PCSK4: variants seen among roughly 807,000 people sequenced by gnomAD.
PCSK4 encodes proprotein convertase subtilisin/kexin type 4.
A neutral mutation model predicts 80.3 loss-of-function variants in PCSK4; 64 were observed. The observed-to-expected ratio is 0.80, with a 90% CI of 0.65 to 0.98. The LOEUF is 0.98. Ranked by LOEUF, PCSK4 falls within the 50% of genes least tolerant of loss-of-function variation. The pLI is 0.00. For synonymous variants in PCSK4, 561 were observed against 487.6 expected (o/e 1.15, Z -1.98); for missense variants, 1,213 against 1,093.6 (o/e 1.11, Z -1.54).
intron 2 of PCSK4, 57 bp from the exon 3 acceptor site, chr19:1,488,337 G>A (rs1300633266): frequency 5.1e-6 from 7 of 1,378,852 alleles, no homozygotes; most frequent in African/African-American, 4.3e-5. Flanking sequence ...GGCCCCTCGT[G>A]GTTCAGGGAG....
chr19:1,487,094 G>T (rs767544144), intron 7 of PCSK4, 29 bp from the exon 8 acceptor site: 2 of 1,602,150 alleles, frequency 1.2e-6, no homozygotes, highest in South Asian at 1.1e-5. Context: ...CGGGGAGGGG[G>T]CGTCGGCCTG....
upstream of PCSK4, chr19:1,490,771 G>A (rs1008413281): frequency 1.0e-4 from 20 of 193,816 alleles, no homozygotes; most frequent in African/African-American, 4.5e-4. Context: ...CCCCGTTCCC[G>A]CCCCTACCAT....
exon 15 of PCSK4, chr19:1,481,874 G>A (rs771878743): frequency 1.9e-6 from 3 of 1,589,632 alleles, no homozygotes; most frequent in Non-Finnish European, 2.6e-6. Flanking sequence ...GCCTCCGAGG[G>A]TCACGGCCAG....
At chr19:1,488,280 C>A in exon 3 of PCSK4, 1 of 1,612,168 alleles carries the variant, frequency 6.2e-7, no homozygotes, top group Non-Finnish European at 8.5e-7. Context: ...AACCACTGCA[C>A]CTGCAGAGCA....
chr19:1,489,946 T>C (rs1226915257), intron 1 of PCSK4, 49 bp from the exon 2 acceptor site: 1 of 1,560,494 alleles, frequency 6.4e-7, no homozygotes, highest in East Asian at 2.4e-5. Context: ...GCTCCCCTGC[T>C]GAAGCCCCCG....
In PCSK4 at chr19:1,482,489, G is replaced by A. The variant is rs372011589; in HGVS notation, c.1697-14C>T. 2.4e-5 allele frequency: 38 copies of A among 1,596,052 alleles called. No homozygotes were observed. The highest frequency in any genetic ancestry group is 1.8e-5 in the Non-Finnish European group (21 of 1,175,232). On this transcript the variant is annotated splice_polypyrimidine_tract_variant and intron_variant, in intron 13 of 14. Coordinates refer to ENST00000300954, the Ensembl canonical transcript of PCSK4. ...GGTACAACGTCCCTGGACAGGGGTC[G>A]CGGGTGGGCACAGGAGGAAAAGGAG...
chr19:1,490,123 AG>A (rs2084866755), intron 1 of PCSK4, 34 bp downstream of exon 1: 1 of 1,611,062 alleles, frequency 6.2e-7, no homozygotes, highest in South Asian at 1.1e-5. Flanking sequence ...GTCCCCTCCA[AG>A]CCCCCACTTC....
At chr19:1,483,901 G>A (rs2084459069) in exon 10 of PCSK4, 1 of 1,489,560 alleles carries the variant, frequency 6.7e-7, no homozygotes, top group Non-Finnish European at 8.9e-7. Context: ...TTGGACGCGC[G>A]GACCACCAGG....
At chr19:1,481,715 C>T (rs773093162) in exon 15 of PCSK4, 1 of 1,357,904 alleles carries the variant, frequency 7.4e-7, no homozygotes, top group Admixed American at 2.6e-5. Flanking sequence ...CAGTGCCTGT[C>T]AGGGACCCAG....
chr19:1,485,042 G>C (rs915641945), intron 8 of PCSK4, among the ~76,000 whole-genome samples: 17 of 152,026 alleles, frequency 1.1e-4, no homozygotes, highest in Admixed American at 9.8e-4. Context: ...CAGCTACTCA[G>C]GAGGCTGAGG....
Position 1,486,833 on chromosome 19 carries a change from G to C in PCSK4, c.1068+20C>G. The C allele has an allele frequency of 1.3e-6, 2 of 1,580,640 alleles. No homozygotes were observed. Among genetic ancestry groups the C allele is most frequent in the Non-Finnish European group, 1.7e-6 (2 of 1,169,140 alleles). On this transcript the variant is annotated intron_variant, in intron 8 of 14. Transcript: ENST00000300954. ...TGGCAGGGCCTGGGGAGGGGACCCTGTTGGGGCGGCTGCACTCACGATCTG... is the reference window on the plus strand; with the variant it reads ...TGGCAGGGCCTGGGGAGGGGACCCTCTTGGGGCGGCTGCACTCACGATCTG...
chr19:1,482,310 G>C (rs1462647572), intron 14 of PCSK4, 43 bp downstream of exon 14: 1 of 1,533,264 alleles, frequency 6.5e-7, no homozygotes, highest in Non-Finnish European at 8.7e-7. Context: ...CACGGTGGCC[G>C]CCACCGCCTC....
chr19:1,488,783 G>T (rs2084779967), intron 2 of PCSK4, among the ~76,000 whole-genome samples: 1 of 152,098 alleles, frequency 6.6e-6, no homozygotes, highest in Non-Finnish European at 1.5e-5. Context: ...GTTTCGCCAT[G>T]TTGATCAGGC....
intron 2 of PCSK4, 104 bp from the exon 3 acceptor site, chr19:1,488,384 G>A: frequency 1.2e-6 from 1 of 837,486 alleles, no homozygotes; most frequent in Non-Finnish European, 1.9e-6. Context: ...TGTGTTTGTG[G>A]GGGTTGCTCT....
chr19:1,484,121 T>C (rs866906936), exon 9 of PCSK4: 1 of 1,554,188 alleles, frequency 6.4e-7, no homozygotes. Context: ...TGCAGGTCCG[T>C]GGTGACCTGA....
chr19:1,483,537 G>C lies in PCSK4; in HGVS notation c.1392-74C>G, dbSNP rs569572637. On this transcript the variant is annotated intron_variant, in intron 11 of 14. Coordinates refer to ENST00000300954, the Ensembl canonical transcript of PCSK4. ...GGTGGGCGGCCAGCAGGCGAGGTCG[G>C]GGCTCAGAGGTCACGGGGTCCAGCC... 421 of 1,419,250 alleles carry C rather than the reference G, an allele frequency of 3.0e-4. 1 individual carries two copies. The highest frequency in any genetic ancestry group is 4.6e-5 in the Non-Finnish European group (48 of 1,038,436). The allele number at this position is 1,419,250 out of a possible 1,614,324, so 87.9% of individuals were successfully genotyped here. A position where few individuals can be genotyped will look rare whatever the true frequency, so the allele number is the denominator to read the frequency against.
At chr19:1,489,815 A>C in exon 2 of PCSK4, 1 of 1,610,782 alleles carries the variant, frequency 6.2e-7, no homozygotes, top group Non-Finnish European at 8.5e-7. Context: ...CTTCAGGTGC[A>C]GGCGGTGGCC....
At position 1,487,180 on chromosome 19, in the gene PCSK4, GCCGGGGCCGT is replaced by G; in HGVS notation, c.806_815del (p.Asp269AlafsTer12). 1 of 1,607,744 alleles carries G rather than the reference GCCGGGGCCGT, an allele frequency of 6.2e-7. No homozygotes were observed. The highest frequency in any genetic ancestry group is 1.7e-4 in the Middle Eastern group (1 of 6,054). ...GCCGGAAGGCCTCGCGGGTGAGGAT[GCCGGGGCCGT>G]CCACCGTGCGGCCGTCGTCCTCGGG... On this transcript the variant is annotated frameshift_variant, in exon 7 of 15. Transcript: ENST00000300954. LOFTEE classifies it high-confidence loss of function.
chr19:1,486,491 T>A (rs1378743252), intron 8 of PCSK4, among the ~76,000 whole-genome samples: 2 of 151,532 alleles, frequency 1.3e-5, no homozygotes. Flanking sequence ...AGAGACGGGG[T>A]TTCACTCTGT....
Sources: allele counts gnomAD v4.1 joint callset (sites outside exome capture counted in the v4.1 genomes callset), GRCh38; gene constraint gnomAD v4.1.1; transcripts MANE v1.5; gene names NCBI Gene and HGNC (gene_info 2026-07-23, HGNC 2026-07-21).